Variants in PLA2G4E observed in about 807,000 individuals in gnomAD.
PLA2G4E encodes cytosolic phospholipase A2 epsilon.
PLA2G4E carries 84 observed loss-of-function variants against 109.1 expected under a neutral mutation model. The ratio of observed to expected loss-of-function variants is 0.77; its 90% CI spans 0.65 to 0.92. PLA2G4E has a LOEUF of 0.92. Among genes scored for constraint, PLA2G4E ranks in the 40% least tolerant of loss-of-function variants. The pLI, the probability that PLA2G4E is intolerant of heterozygous loss-of-function variation, is 0.00. For missense variants in PLA2G4E, 1,057 were observed against 1,076.6 expected (o/e 0.98, Z 0.25); for synonymous variants, 469 against 436.1 (o/e 1.08, Z -0.94).
At chr15:42,037,665 GAGA>G (rs1889241771) in intron 1 of PLA2G4E, among the ~76,000 whole-genome samples, 1 of 152,228 alleles carries the variant, frequency 6.6e-6, no homozygotes, top group African/African-American at 2.4e-5. Context: ...TGTGGGTGAA[GAGA>G]AGGAGAGAAG....
chr15:42,041,241 A>G (rs1055744621), intron 1 of PLA2G4E, among the ~76,000 whole-genome samples: 3 of 152,220 alleles, frequency 2.0e-5, no homozygotes, highest in Admixed American at 2.0e-4. Flanking sequence ...TATTCCCATA[A>G]TATTTTAATT....
chr15:42,013,747 G>T, exon 2 of PLA2G4E: 2 of 1,550,500 alleles, frequency 1.3e-6, no homozygotes, highest in Non-Finnish European at 8.7e-7. Flanking sequence ...GTGGCATGGA[G>T]ACAGCCCCTC....
chr15:41,986,139 A>G, intron 17 of PLA2G4E, 134 bp from the exon 18 acceptor site: 1 of 857,560 alleles, frequency 1.2e-6, no homozygotes, highest in South Asian at 1.7e-5. Flanking sequence ...ACTGAGTTCC[A>G]GTGCCCTCTG....
At chr15:42,000,058 C>T (rs1204690321) in intron 8 of PLA2G4E, 46 bp downstream of exon 8, 1 of 1,573,562 alleles carries the variant, frequency 6.4e-7, no homozygotes. Context: ...GCACCCCCCA[C>T]CTGTCCCAGT....
intron 1 of PLA2G4E, among the ~76,000 whole-genome samples, chr15:42,037,819 T>G (rs1310781678): frequency 6.6e-6 from 1 of 152,198 alleles, no homozygotes; most frequent in Non-Finnish European, 1.5e-5. Context: ...GGAAGCTGCT[T>G]GCGGTGCACC....
In PLA2G4E at chr15:41,991,376, A is replaced by T. The variant is rs555047708; in HGVS notation, c.1471-1141T>A. On this transcript the variant is annotated intron_variant, in intron 13 of 19. Coordinates refer to ENST00000399518, the Ensembl canonical transcript of PLA2G4E. Reference sequence around the variant, plus strand: ...TGAAAATGTTAACTAGCACTTATTGATGTAATTCCCACTTAAGGAATAGTA... The same window carrying T: ...TGAAAATGTTAACTAGCACTTATTGTTGTAATTCCCACTTAAGGAATAGTA... Among the ~76,000 whole-genome samples the T allele has an allele frequency of 1.2e-4, 18 of 152,314 alleles. 1 individual carries two copies. In the South Asian group the frequency reaches 3.7e-3, roughly 32 times the overall value.
chr15:41,989,547 AC>A lies in PLA2G4E; in HGVS notation c.1590del (p.Trp530CysfsTer33). 6.2e-7 allele frequency: 1 copy of A among 1,613,210 alleles called. No homozygotes were observed. Among genetic ancestry groups the A allele is most frequent in the Non-Finnish European group, 8.5e-7 (1 of 1,179,468 alleles). On this transcript the variant is annotated frameshift_variant, in exon 15 of 20. Transcript: ENST00000399518. LOFTEE classifies it high-confidence loss of function. The stretch of plus-strand genomic sequence containing the variant: ...CCCACCTCGTAGGGGGAGAACTCGA[AC>A]CACTCTGCACATGAAGCAGCAGGAC...
At chr15:41,999,242 G>A (rs889553381) in intron 10 of PLA2G4E, 1 of 321,476 alleles carries the variant, frequency 3.1e-6, no homozygotes, top group Non-Finnish European at 5.7e-6. Flanking sequence ...TAGAATAAGA[G>A]GAAATATTTG....
chr15:41,983,969 C>A lies in PLA2G4E; in HGVS notation c.2392G>T (p.Glu798Ter). 1 of 1,606,106 alleles carries A rather than the reference C, an allele frequency of 6.2e-7. No individual in the cohort carries two copies. Residue 798 changes from glutamate to a stop codon, truncating the protein, a stop_gained, in exon 20 of 20, where the codon GAG becomes TAG. Transcript: ENST00000399518. LOFTEE classifies it high-confidence loss of function. ...TGCTCCAGCTCCTCAGGGCTTCGCT[C>A]TACACCTGTGGGCAGCAGGATGACT... is the stretch of plus-strand genomic sequence containing the variant.
At chr15:42,023,906 C>T (rs1470614015) in intron 1 of PLA2G4E, among the ~76,000 whole-genome samples, 1 of 152,160 alleles carries the variant, frequency 6.6e-6, no homozygotes, top group African/African-American at 2.4e-5. Flanking sequence ...TTTCTTCCCC[C>T]ACATCCTCTG....
intron 16 of PLA2G4E, 145 bp from the exon 17 acceptor site, chr15:41,987,520 T>G (rs1233613109): frequency 4.2e-6 from 3 of 718,224 alleles, no homozygotes; most frequent in Non-Finnish European, 7.0e-6. Context: ...CTCAAGGTCC[T>G]GGCACTGGGG....
intron 1 of PLA2G4E, among the ~76,000 whole-genome samples, chr15:42,042,156 C>T (rs1889326512): frequency 1.3e-5 from 2 of 152,228 alleles, no homozygotes; most frequent in South Asian, 4.1e-4. Context: ...GTTATGTAGC[C>T]ATTTTCAAAA....
intron 2 of PLA2G4E, chr15:42,010,114 G>C (rs746644849): frequency 7.9e-6 from 4 of 505,100 alleles, no homozygotes; most frequent in Non-Finnish European, 1.6e-5. Flanking sequence ...CCCTTCCCTT[G>C]GCTTTTCCAG....
At chr15:42,024,539 C>T (rs2068676760) in intron 1 of PLA2G4E, among the ~76,000 whole-genome samples, 1 of 152,130 alleles carries the variant, frequency 6.6e-6, no homozygotes. Flanking sequence ...TCAGGTAACC[C>T]AATATTGAAA....
chr15:42,001,321 T>C (rs1474184951), intron 6 of PLA2G4E, 101 bp from the exon 7 acceptor site: 1 of 1,119,704 alleles, frequency 8.9e-7, no homozygotes, highest in African/African-American at 1.5e-5. Context: ...ACATTCAGCA[T>C]TGGTCTGACT....
chr15:42,050,401 G>A (rs1889486402), intron 1 of PLA2G4E: 3 of 1,226,770 alleles, frequency 2.4e-6, no homozygotes, highest in Admixed American at 5.4e-5. Context: ...CGGAGAGAAA[G>A]AAATGAACAA....
intron 11 of PLA2G4E, among the ~76,000 whole-genome samples, chr15:41,995,796 C>T (rs2068329870): frequency 6.6e-6 from 1 of 152,182 alleles, no homozygotes; most frequent in African/African-American, 2.4e-5. Flanking sequence ...GTCTAGCCCT[C>T]GGTTAACAGG....
intron 1 of PLA2G4E, among the ~76,000 whole-genome samples, chr15:42,030,048 C>G (rs1470002877): frequency 2.0e-5 from 3 of 151,970 alleles, no homozygotes; most frequent in East Asian, 3.9e-4. Flanking sequence ...TTTGAACTTG[C>G]CCTTGAAGAA....
At chr15:42,035,048 C>G (rs1022450148) in intron 1 of PLA2G4E, among the ~76,000 whole-genome samples, 2 of 152,196 alleles carry the variant, frequency 1.3e-5, no homozygotes, top group Non-Finnish European at 2.9e-5. Context: ...TCACTGTCCC[C>G]TGAACTGAGT....
Sources: allele counts gnomAD v4.1 joint callset (sites outside exome capture counted in the v4.1 genomes callset), GRCh38; gene constraint gnomAD v4.1.1; transcripts MANE v1.5; gene names NCBI Gene and HGNC (gene_info 2026-07-23, HGNC 2026-07-21).